Variants in RAI1 observed in about 807,000 individuals in gnomAD.
The protein encoded by RAI1 is retinoic acid-induced protein 1.
RAI1 carries 9 observed loss-of-function variants against 123.8 expected under a neutral mutation model. The ratio of observed to expected loss-of-function variants is 0.07; its 90% CI spans 0.04 to 0.13. The LOEUF (loss-of-function observed/expected upper bound fraction) is 0.13, where lower values mean the gene tolerates loss of function less well. Ranked by LOEUF, RAI1 falls within the 10% of genes least tolerant of loss-of-function variation. The pLI is 1.00. For missense variants in RAI1, 2,256 were observed against 2,545.8 expected, an observed-to-expected ratio of 0.89 and a Z score of 2.45; for synonymous variants, 1,231 against 1,127.3, an observed-to-expected ratio of 1.09 and a Z score of -1.84.
At chr17:17,760,286 G>A (rs2030633387) in intron 2 of RAI1, among the ~76,000 whole-genome samples, 1 of 152,196 alleles carries the variant, frequency 6.6e-6, no homozygotes, top group African/African-American at 2.4e-5. Context: ...CAAAGAAGTT[G>A]GGGATTGATT....
chr17:17,781,280 T>C lies in RAI1; in HGVS notation c.-16-11653T>C, dbSNP rs564563223. On this transcript the variant is annotated intron_variant, in intron 2 of 5. Coordinates refer to ENST00000353383, the MANE Select transcript of RAI1 (RefSeq NM_030665.4). ...CAGCAGGGAGTCTTACCCCACCTCC[T>C]TCAGGAGGGAGGTGCTCACGGGTTC... 8.5e-5 allele frequency among the ~76,000 whole-genome samples: 13 copies of C among 152,318 alleles called. No individual in the cohort carries two copies. In the East Asian group the frequency reaches 2.5e-3, roughly 29 times the overall value.
intron 1 of RAI1, among the ~76,000 whole-genome samples, chr17:17,708,470 C>A (rs1915463789): frequency 6.6e-6 from 1 of 152,074 alleles, no homozygotes. Flanking sequence ...GACAGAGTCT[C>A]ACTATGTTGC....
At chr17:17,771,653 T>C (rs55767800) in intron 2 of RAI1, among the ~76,000 whole-genome samples, 64,197 of 152,180 alleles carry the variant, frequency 0.42, 17,392 homozygotes, top group Non-Finnish European at 0.62. Flanking sequence ...CCTCCCGCCT[T>C]TGTTTCCCAG....
chr17:17,691,798 G>C (rs1474168598), intron 1 of RAI1, among the ~76,000 whole-genome samples: 2 of 152,222 alleles, frequency 1.3e-5, no homozygotes, highest in Admixed American at 6.5e-5. Flanking sequence ...AGGGCCAGGT[G>C]GGCAGTGGGA....
chr17:17,785,791 A>G (rs1330256515), intron 2 of RAI1, among the ~76,000 whole-genome samples: 1 of 152,130 alleles, frequency 6.6e-6, no homozygotes, highest in Admixed American at 6.5e-5. Flanking sequence ...TGCTGGTCCC[A>G]GAGCTTCTGC....
At chr17:17,767,904 G>T (rs778311345) in intron 2 of RAI1, among the ~76,000 whole-genome samples, 1 of 152,164 alleles carries the variant, frequency 6.6e-6, no homozygotes, top group Non-Finnish European at 1.5e-5. Context: ...GCTCAGAAAC[G>T]TGGGCTCACT....
rs2032452073 is a variant in RAI1, at chr17:17,801,249, G to C, written c.5566-2507G>C. On this transcript the variant is annotated intron_variant, in intron 3 of 5. Transcript: ENST00000353383. The surrounding 1 kb of genome is among the most constrained non-coding windows in gnomAD (Gnocchi z 4.1). ...CCTGGCCATGGAATGCTTGGGGTGA[G>C]AGGGACCCATAGCGGGCTCCGGGCA... Among the ~76,000 whole-genome samples, 1 of 152,150 alleles carries C rather than the reference G, an allele frequency of 6.6e-6. No homozygotes were observed. Among genetic ancestry groups the C allele is most frequent in the Admixed American group, 6.5e-5 (1 of 15,280 alleles).
rs1454552372 is a variant in RAI1 at position 17,796,396 on chromosome 17, A to C, written c.3448A>C (p.Thr1150Pro). The C allele has an allele frequency of 6.2e-7, 1 of 1,613,520 alleles. No individual in the cohort carries two copies. Among genetic ancestry groups the C allele is most frequent in the Non-Finnish European group, 8.5e-7 (1 of 1,180,004 alleles). The change falls in exon 3 of 6, where the codon ACC becomes CCC. Residue 1150 changes from threonine to proline, a missense_variant. Physicochemically the swap from Thr to Pro is conservative, Grantham distance 38. Around this residue, in one of 7 missense-constraint regions of RAI1, gnomAD observed 322 missense variants for 358.0 expected, o/e 0.90. Coordinates refer to ENST00000353383, the MANE Select transcript of RAI1 (RefSeq NM_030665.4). This position sits in a 1 kb window ranked among gnomAD's most constrained non-coding sequence, Gnocchi z 5.8. The stretch of plus-strand genomic sequence containing the variant: ...GCGCTCCATGATCCTTCGGTCACGC[A>C]CCAAAACCCAGGAGATCTTCCACTC... ...DQRSMILRSR[T>P]KTQEIFHSKR...
At chr17:17,693,049 C>T (rs931635167) in intron 1 of RAI1, among the ~76,000 whole-genome samples, 1 of 152,240 alleles carries the variant, frequency 6.6e-6, no homozygotes, top group African/African-American at 2.4e-5. Flanking sequence ...GCCCTGTTTT[C>T]GCTCAGGCTG....
intron 1 of RAI1, among the ~76,000 whole-genome samples, chr17:17,688,225 C>G (rs867912573): frequency 2.0e-5 from 3 of 149,208 alleles, no homozygotes; most frequent in Non-Finnish European, 4.5e-5. Flanking sequence ...TGGCTTACGT[C>G]TATAATCCCA....
At position 17,809,824 on chromosome 17, in the gene RAI1, G is replaced by C. The variant is rs2032684873; in HGVS notation, c.5710-146G>C. 14 of 1,081,570 alleles carry C rather than the reference G, an allele frequency of 1.3e-5. No individual in the cohort carries two copies. Among genetic ancestry groups the C allele is most frequent in the East Asian group, 2.6e-5 (1 of 38,160 alleles). 67.0% of individuals were successfully genotyped at this position (1,081,570 alleles called of 1,614,324 possible). A position where few individuals can be genotyped will look rare whatever the true frequency, so the allele number is the denominator to read the frequency against. ...GGACGGGGTGGGGCCAGAAGGGGTG[G>C]TGCCGACGGCCTCGGGCGGAGACCC... On this transcript the variant is annotated intron_variant, in intron 5 of 5. Transcript: ENST00000353383. This position sits in a 1 kb window ranked among gnomAD's most constrained non-coding sequence, Gnocchi z 4.9.
At chr17:17,746,267 G>A (rs1384062828) in intron 2 of RAI1, among the ~76,000 whole-genome samples, 1 of 152,254 alleles carries the variant, frequency 6.6e-6, no homozygotes, top group East Asian at 1.9e-4. Flanking sequence ...GAAAGACCTT[G>A]TCACAAAGGG....
Position 17,793,980 on chromosome 17 carries a change from C to A in RAI1, c.1032C>A (p.His344Gln). Residue 344 changes from histidine (H) to glutamine (Q), a missense_variant, in exon 3 of 6, where the codon CAC (histidine) becomes CAA (glutamine). His to Gln is a conservative substitution (Grantham distance 24). Coordinates refer to ENST00000353383, the MANE Select transcript of RAI1 (RefSeq NM_030665.4). The part of the protein sequence containing the change: ...YYQTFSPSSS[H>Q]SPARSVGRSP... ...AGACCTTCAGCCCCAGCTCCAGCCA[C>A]TCACCCGCCCGCTCCGTGGGCCGCT... 1 of 1,614,048 alleles carries A rather than the reference C, an allele frequency of 6.2e-7. No individual in the cohort carries two copies. Among genetic ancestry groups the A allele is most frequent in the African/African-American group, 1.3e-5 (1 of 75,042 alleles).
At chr17:17,776,645 C>T (rs1049238500) in intron 2 of RAI1, 6 of 148,770 alleles carry the variant, frequency 4.0e-5, no homozygotes, top group Admixed American at 3.3e-4. Flanking sequence ...CATGAGCCAC[C>T]GTGCCTGGCT....
chr17:17,726,122 A>G (rs1916082015), intron 2 of RAI1, among the ~76,000 whole-genome samples: 1 of 152,146 alleles, frequency 6.6e-6, no homozygotes, highest in Non-Finnish European at 1.5e-5. Flanking sequence ...GAGAGCCCAG[A>G]GAGGGTCAGG....
Position 17,810,786 on chromosome 17 carries a change from G to T in RAI1, c.*805G>T, listed in dbSNP as rs548205719. 1 of 454,872 alleles carries T rather than the reference G, an allele frequency of 2.2e-6. No homozygotes were observed. The highest frequency in any genetic ancestry group is 1.6e-5 in the South Asian group (1 of 64,450). 28.2% of individuals were successfully genotyped at this position (454,872 alleles called of 1,614,324 possible). A position where few individuals can be genotyped will look rare whatever the true frequency, so the allele number is the denominator to read the frequency against. ...CTGGGAGCGCAAAACCCAAGAAGCGGCCAGAACGCACCTCCGGCTCCGGCG... is the reference window on the plus strand; with the variant it reads ...CTGGGAGCGCAAAACCCAAGAAGCGTCCAGAACGCACCTCCGGCTCCGGCG... On this transcript the variant is annotated 3_prime_UTR_variant, in exon 6 of 6. Coordinates refer to ENST00000353383, the MANE Select transcript of RAI1 (RefSeq NM_030665.4). This position sits in a 1 kb window ranked among gnomAD's most constrained non-coding sequence, Gnocchi z 4.6.
At chr17:17,727,902 C>T (rs1390117457) in intron 2 of RAI1, among the ~76,000 whole-genome samples, 1 of 152,108 alleles carries the variant, frequency 6.6e-6, no homozygotes, top group Non-Finnish European at 1.5e-5. Context: ...GAAGCAGAGA[C>T]AGTATTCCCC....
chr17:17,723,452 T>C (rs1295967590), intron 1 of RAI1, among the ~76,000 whole-genome samples: 2 of 149,818 alleles, frequency 1.3e-5, no homozygotes, highest in African/African-American at 4.9e-5. Flanking sequence ...CGCAGGCTCG[T>C]AAGTCACTGG....
In RAI1 at chr17:17,795,053, C is replaced by A; in HGVS notation, c.2105C>A (p.Thr702Lys). 1 of 1,614,180 alleles carries A rather than the reference C, an allele frequency of 6.2e-7. No homozygotes were observed. The highest frequency in any genetic ancestry group is 8.5e-7 in the Non-Finnish European group (1 of 1,180,040). The change falls in exon 3 of 6, where the codon ACA (threonine) becomes AAA (lysine). Residue 702 changes from threonine (T) to lysine (K), a missense_variant. Coordinates refer to ENST00000353383, the MANE Select transcript of RAI1 (RefSeq NM_030665.4). This position sits in a 1 kb window ranked among gnomAD's most constrained non-coding sequence, Gnocchi z 5.9. The stretch of plus-strand genomic sequence containing the variant: ...TTCGCTACGCCTGACCCCAAAAAGA[C>A]AACTGGTCCTCTCTCCTTTGGTACC... ...VAFATPDPKK[T>K]TGPLSFGTKP...
Sources: allele counts gnomAD v4.1 joint callset (sites outside exome capture counted in the v4.1 genomes callset), GRCh38; gene constraint gnomAD v4.1.1; regional missense constraint gnomAD v4.1.1; non-coding constraint Gnocchi (gnomAD v3.1); transcripts MANE v1.5; gene names NCBI Gene and HGNC (gene_info 2026-07-23, HGNC 2026-07-21).